The following COG4 variants were observed in gnomAD, a reference collection of about 807,000 sequenced individuals.
COG4 encodes the protein component of oligomeric golgi complex 4.
A neutral mutation model predicts 95.1 loss-of-function variants in COG4; 65 were observed. The ratio of observed to expected loss-of-function variants is 0.68; its 90% CI spans 0.56 to 0.84. The LOEUF is 0.84. Ranked by LOEUF, COG4 falls within the 40% of genes least tolerant of loss-of-function variation. The pLI, the probability that COG4 is intolerant of heterozygous loss-of-function variation, is 0.00. For missense variants in COG4, 1,045 were observed against 989.1 expected (o/e 1.06, Z -0.76); for synonymous variants, 421 against 374.8 (o/e 1.12, Z -1.42).
In COG4 at chr16:70,514,481, G is replaced by C. The variant is rs778976307; in HGVS notation, c.398C>G (p.Ala133Gly). 1 of 1,614,102 alleles carries C rather than the reference G, an allele frequency of 6.2e-7. No individual in the cohort carries two copies. The highest frequency in any genetic ancestry group is 8.5e-7 in the Non-Finnish European group (1 of 1,180,022). The change falls in exon 4 of 19, where the codon GCT becomes GGT. Residue 133 changes from alanine to glycine, a missense_variant. Transcript: ENST00000323786. Reference sequence around the variant, plus strand: ...GAACTTCAGGTCCAAGATGTCATCAGCTCTCTGAATGGCCTGATAGAGGCG... The same window carrying C: ...GAACTTCAGGTCCAAGATGTCATCACCTCTCTGAATGGCCTGATAGAGGCG... ...KNRLYQAIQR[A>G]DDILDLKFCM... is the part of the protein sequence containing the mutation.
At chr16:70,497,534 A>G (rs765674713) in intron 10 of COG4, 147 bp from the exon 11 acceptor site, 13 of 795,416 alleles carry the variant, frequency 1.6e-5, no homozygotes, top group Admixed American at 5.8e-5. Flanking sequence ...CCTTGTCAAA[A>G]TAGCTTACTT....
In COG4 at chr16:70,496,450, T is replaced by C. The variant is rs374414938; in HGVS notation, c.1482-19A>G. ...AACATCCCTGGGGGGCAGGATTGCA[T>C]AGAGGAATTGACAGTGCTCAACTTG... On this transcript the variant is annotated intron_variant, in intron 11 of 18. Transcript: ENST00000323786. The C allele has an allele frequency of 3.1e-5, 50 of 1,613,756 alleles. No individual in the cohort carries two copies. Among genetic ancestry groups the C allele is most frequent in the East Asian group, 6.7e-5 (3 of 44,888 alleles).
chr16:70,509,200 C>T, intron 7 of COG4, 31 bp downstream of exon 7: 1 of 1,613,986 alleles, frequency 6.2e-7, no homozygotes, highest in South Asian at 1.1e-5. Flanking sequence ...AAAGCTGCTA[C>T]CAAACCCTAC....
At chr16:70,507,835 G>A (rs1397218997) in intron 8 of COG4, among the ~76,000 whole-genome samples, 2 of 150,558 alleles carry the variant, frequency 1.3e-5, no homozygotes, top group Admixed American at 6.6e-5. Context: ...GCACTCCAGC[G>A]TGGGTGACAG....
At chr16:70,509,867 G>T in intron 6 of COG4, 49 bp downstream of exon 6, 1 of 1,357,444 alleles carries the variant, frequency 7.4e-7, no homozygotes, top group Non-Finnish European at 1.1e-6. Context: ...CTAGGATGCA[G>T]GTGTCATATA....
chr16:70,497,485 G>C (rs2049364227), intron 10 of COG4, 98 bp from the exon 11 acceptor site: 5 of 1,169,390 alleles, frequency 4.3e-6, no homozygotes, highest in African/African-American at 1.5e-5. Flanking sequence ...TCCCTTTTCT[G>C]TACCTTGTCC....
intron 5 of COG4, among the ~76,000 whole-genome samples, chr16:70,510,895 T>C (rs2049690015): frequency 1.3e-5 from 2 of 151,478 alleles, no homozygotes; most frequent in Admixed American, 1.3e-4. Flanking sequence ...TCCCGAGTGG[T>C]TGGGCTTACA....
intron 12 of COG4, among the ~76,000 whole-genome samples, chr16:70,493,188 T>C (rs2049279577): frequency 1.3e-5 from 2 of 152,200 alleles, no homozygotes; most frequent in African/African-American, 2.4e-5. Context: ...TCCTATTTGA[T>C]ATTTTCTTAA....
chr16:70,505,681 T>G (rs1048267037), intron 8 of COG4, among the ~76,000 whole-genome samples: 4 of 149,776 alleles, frequency 2.7e-5, no homozygotes, highest in African/African-American at 9.8e-5. Flanking sequence ...TACAAAAAAT[T>G]AGCCGGGCGT....
intron 6 of COG4, 28 bp from the exon 7 acceptor site, chr16:70,509,416 A>G: frequency 1.9e-6 from 3 of 1,613,528 alleles, no homozygotes; most frequent in Non-Finnish European, 2.5e-6. Context: ...ATAGGGTTAT[A>G]TTCCAAGTAT....
intron 13 of COG4, 91 bp downstream of exon 13, chr16:70,490,239 A>AT: frequency 1.9e-6 from 2 of 1,063,504 alleles, no homozygotes; most frequent in Admixed American, 3.4e-5. Context: ...TGTCACCAAG[A>AT]TAAGTGTCTT....
chr16:70,496,938 G>A (rs910467752), intron 11 of COG4, among the ~76,000 whole-genome samples: 1 of 152,108 alleles, frequency 6.6e-6, no homozygotes, highest in African/African-American at 2.4e-5. Flanking sequence ...CTGTAGCAAT[G>A]GTACCTATTG....
At chr16:70,503,732 C>T (rs913015006) in intron 8 of COG4, among the ~76,000 whole-genome samples, 1 of 138,478 alleles carries the variant, frequency 7.2e-6, no homozygotes, top group East Asian at 1.9e-4. Context: ...GTAGCTGGGA[C>T]TACAGGCGCC....
At chr16:70,501,428 C>G (rs1317238824) in intron 8 of COG4, 1 of 295,306 alleles carries the variant, frequency 3.4e-6, no homozygotes, top group Non-Finnish European at 6.6e-6. Flanking sequence ...ATCTCAGCTC[C>G]CTGCAAGCTC....
chr16:70,513,739 T>C (rs2049760394), intron 4 of COG4, among the ~76,000 whole-genome samples: 1 of 152,178 alleles, frequency 6.6e-6, no homozygotes, highest in Non-Finnish European at 1.5e-5. Context: ...TTAAAACTAG[T>C]AAGATGTTTA....
At chr16:70,505,752 C>G (rs918934703) in intron 8 of COG4, among the ~76,000 whole-genome samples, 2 of 151,582 alleles carry the variant, frequency 1.3e-5, no homozygotes, top group Non-Finnish European at 2.9e-5. Flanking sequence ...TGGCGTGAAC[C>G]CGGGAGGTGG....
chr16:70,509,628 C>T (rs1164370596), intron 6 of COG4, among the ~76,000 whole-genome samples: 2 of 152,114 alleles, frequency 1.3e-5, no homozygotes, highest in African/African-American at 4.8e-5. Context: ...TCTACAGCAG[C>T]ATCTTTGGAA....
At chr16:70,517,585 CTCAA>C in intron 3 of COG4, 37 bp downstream of exon 3, 1 of 854,760 alleles carries the variant, frequency 1.2e-6, no homozygotes, top group Non-Finnish European at 1.7e-6. Flanking sequence ...AAGACCCTGT[CTCAA>C]AAAAAAAAAA....
At chr16:70,513,282 C>T (rs1291672354) in intron 4 of COG4, among the ~76,000 whole-genome samples, 1 of 152,158 alleles carries the variant, frequency 6.6e-6, no homozygotes, top group African/African-American at 2.4e-5. Flanking sequence ...GTGTAAAGAT[C>T]ATGGAAGATC....
Sources: gnomAD v4.1 joint callset for allele counts (sites outside exome capture counted in the v4.1 genomes callset) on GRCh38, gnomAD v4.1.1 for gene constraint, MANE v1.5 for transcripts, NCBI Gene and HGNC (gene_info 2026-07-23, HGNC 2026-07-21) for gene names.